The following ZMAT4 variants were observed in gnomAD, a reference collection of about 807,000 sequenced individuals.
ZMAT4 encodes the protein zinc finger matrin-type 4.
Under a neutral mutation model 28.7 loss-of-function variants are expected in ZMAT4, and 17 were observed. The ratio of observed to expected loss-of-function variants is 0.59; its 90% CI spans 0.41 to 0.89. ZMAT4 has a LOEUF of 0.89. Among genes scored for constraint, ZMAT4 ranks in the 40% least tolerant of loss-of-function variants. ZMAT4 has a pLI of 0.00. For missense variants in ZMAT4, 240 were observed against 283.8 expected (o/e 0.85, Z 1.11); for synonymous variants, 117 against 109.2 (o/e 1.07, Z -0.44).
At chr8:40,706,225 T>C (rs886921300) in intron 3 of ZMAT4, among the ~76,000 whole-genome samples, 1 of 152,126 alleles carries the variant, frequency 6.6e-6, no homozygotes, top group Non-Finnish European at 1.5e-5. Flanking sequence ...ACTAATTTTT[T>C]GTATTTGTTT....
intron 5 of ZMAT4, among the ~76,000 whole-genome samples, chr8:40,591,914 C>T (rs925335973): frequency 2.0e-5 from 3 of 151,916 alleles, no homozygotes; most frequent in African/African-American, 7.3e-5. Context: ...AAAGCCAGAT[C>T]TGAAAATATT....
chr8:40,571,797 G>A (rs1804106972), intron 6 of ZMAT4, among the ~76,000 whole-genome samples: 3 of 152,016 alleles, frequency 2.0e-5, no homozygotes, highest in Non-Finnish European at 1.5e-5. Flanking sequence ...ACATTCTTTG[G>A]AAAAGGATAG....
chr8:40,545,214 C>A (rs921472062), intron 6 of ZMAT4, among the ~76,000 whole-genome samples: 3 of 151,952 alleles, frequency 2.0e-5, no homozygotes, highest in Admixed American at 6.6e-5. Flanking sequence ...CCTAGTTGAG[C>A]CTTAAGATGA....
chr8:40,571,141 A>G (rs187202016), intron 6 of ZMAT4, among the ~76,000 whole-genome samples: 295 of 152,312 alleles, frequency 1.9e-3, no homozygotes, highest in African/African-American at 6.6e-3. Context: ...TGAATGAGCT[A>G]AACAATATTA....
chr8:40,735,870 G>A (rs754754229), intron 3 of ZMAT4, among the ~76,000 whole-genome samples: 68 of 152,144 alleles, frequency 4.5e-4, no homozygotes, highest in Non-Finnish European at 8.7e-4. Context: ...CTTTTCCAGA[G>A]AAAGAAAGAG....
chr8:40,807,270 C>A (rs986058099), intron 2 of ZMAT4, among the ~76,000 whole-genome samples: 1 of 151,840 alleles, frequency 6.6e-6, no homozygotes, highest in Admixed American at 6.6e-5. Context: ...GGCAAAACCT[C>A]GTCTCTGCTA....
chr8:40,683,709 C>G (rs939961976), intron 4 of ZMAT4, among the ~76,000 whole-genome samples: 1 of 152,076 alleles, frequency 6.6e-6, no homozygotes, highest in Non-Finnish European at 1.5e-5. Flanking sequence ...CAAACACATT[C>G]ATTAGTGTAG....
chr8:40,569,634 A>G (rs1051110681), intron 6 of ZMAT4, among the ~76,000 whole-genome samples: 2 of 152,210 alleles, frequency 1.3e-5, no homozygotes, highest in Non-Finnish European at 2.9e-5. Context: ...ATAGCAGGAA[A>G]TAAAGTGAAA....
intron 3 of ZMAT4, among the ~76,000 whole-genome samples, chr8:40,702,456 T>C (rs1201870999): frequency 1.3e-5 from 2 of 152,092 alleles, no homozygotes; most frequent in Non-Finnish European, 2.9e-5. Context: ...CTGAAAGAAA[T>C]AAAAAGAATG....
chr8:40,866,115 A>G (rs777561740), intron 1 of ZMAT4, among the ~76,000 whole-genome samples: 1 of 152,214 alleles, frequency 6.6e-6, no homozygotes, highest in Non-Finnish European at 1.5e-5. Flanking sequence ...CTGACCTTCA[A>G]GGGCCCCTAG....
intron 3 of ZMAT4, among the ~76,000 whole-genome samples, chr8:40,711,801 G>C (rs1012805746): frequency 6.6e-6 from 1 of 152,146 alleles, no homozygotes; most frequent in Non-Finnish European, 1.5e-5. Context: ...TTACTTCTGT[G>C]GAAAAGAGAG....
rs1352753431 is a variant in ZMAT4, at chr8:40,531,724, C to T, written c.*499G>A. On this transcript the variant is annotated 3_prime_UTR_variant, in exon 7 of 7. Transcript: ENST00000297737. ...AGAAAACGACTGGTATTTATTTGTC[C>T]ATTTGGTATTTTCCACTAATAGTGA... is the stretch of plus-strand genomic sequence containing the variant. 1 of 152,684 alleles carries T rather than the reference C, an allele frequency of 6.5e-6. No individual in the cohort carries two copies. Among genetic ancestry groups the T allele is most frequent in the Non-Finnish European group, 1.5e-5 (1 of 68,120 alleles). The allele number at this position is 152,684 out of a possible 1,614,324, so 9.5% of individuals were successfully genotyped here. A position where few individuals can be genotyped will look rare whatever the true frequency, so the allele number is the denominator to read the frequency against.
intron 3 of ZMAT4, among the ~76,000 whole-genome samples, chr8:40,725,388 T>C (rs191485838): frequency 6.6e-6 from 1 of 152,224 alleles, no homozygotes; most frequent in East Asian, 1.9e-4. Flanking sequence ...TATCTTTTGT[T>C]CTATTTTCAT....
At chr8:40,809,941 G>A (rs1815251409) in intron 2 of ZMAT4, among the ~76,000 whole-genome samples, 1 of 152,062 alleles carries the variant, frequency 6.6e-6, no homozygotes, top group Non-Finnish European at 1.5e-5. Context: ...CTACTTGGGA[G>A]GCTAAGGCAC....
Position 40,881,530 on chromosome 8 carries a change from G to GAAAGAAAGAAAGA in ZMAT4, c.-5+16140_-5+16152dup. On this transcript the variant is annotated intron_variant, in intron 1 of 6. Transcript: ENST00000297737. ...GGAAGGAAGGGGAGAGAGAGAGACA[G>GAAAGAAAGAAAGA]AAAGAAAGAAAGAAAGAAAGAAAGA... Among the ~76,000 whole-genome samples the GAAAGAAAGAAAGA allele has an allele frequency of 2.6e-4, 3 of 11,594 alleles. 1 individual carries two copies. The highest frequency in any genetic ancestry group is 1.3e-3 in the African/African-American group (3 of 2,248). The allele number at this position is 11,594 out of a possible 152,430, so 7.6% of individuals were successfully genotyped here.
chr8:40,657,447 C>T (rs1262440157), intron 5 of ZMAT4, among the ~76,000 whole-genome samples: 1 of 151,918 alleles, frequency 6.6e-6, no homozygotes, highest in African/African-American at 2.4e-5. Flanking sequence ...CACTGATTAA[C>T]AGGCTTTTTT....
At chr8:40,650,534 C>A (rs1807591523) in intron 5 of ZMAT4, among the ~76,000 whole-genome samples, 1 of 133,534 alleles carries the variant, frequency 7.5e-6, no homozygotes, top group African/African-American at 2.7e-5. Context: ...TGAAATTATT[C>A]CAATCAATAG....
intron 1 of ZMAT4, among the ~76,000 whole-genome samples, chr8:40,844,158 G>A (rs1816796011): frequency 6.6e-6 from 1 of 152,180 alleles, no homozygotes; most frequent in Non-Finnish European, 1.5e-5. Context: ...AAGAAAGGAG[G>A]TAAATAAAAT....
intron 1 of ZMAT4, among the ~76,000 whole-genome samples, chr8:40,893,385 G>T (rs1019213624): frequency 6.6e-5 from 10 of 152,288 alleles, no homozygotes; most frequent in South Asian, 6.2e-4. Context: ...CTGACCTCTG[G>T]CTCTATATCT....
Sources: allele counts gnomAD v4.1 joint callset (sites outside exome capture counted in the v4.1 genomes callset), GRCh38; gene constraint gnomAD v4.1.1; transcripts MANE v1.5; gene names NCBI Gene and HGNC (gene_info 2026-07-23, HGNC 2026-07-21).